Variants in CERS4 observed in about 807,000 individuals in gnomAD.
The protein encoded by CERS4 is LAG1 homolog, ceramide synthase 4.
In CERS4, 65 loss-of-function variants were observed where a neutral mutation model predicts 51.8. That is an observed-to-expected ratio of 1.26 (90% CI 1.03 to 1.54). The LOEUF is 1.54. Among genes scored for constraint, CERS4 ranks in the 40% most tolerant of loss-of-function variants. CERS4 has a pLI of 0.00. For missense variants in CERS4, 563 were observed against 500.4 expected (o/e 1.13, Z -1.19); for synonymous variants, 228 against 208.4 (o/e 1.09, Z -0.81).
intron 3 of CERS4, among the ~76,000 whole-genome samples, chr19:8,254,175 T>C (rs1302393961): frequency 6.6e-6 from 1 of 151,214 alleles, no homozygotes; most frequent in Non-Finnish European, 1.5e-5. Context: ...TACAAAAAAT[T>C]AGCCGGGCGT....
At chr19:8,213,657 A>G (rs1187677976) in intron 2 of CERS4, among the ~76,000 whole-genome samples, 1 of 151,086 alleles carries the variant, frequency 6.6e-6, no homozygotes, top group Non-Finnish European at 1.5e-5. Context: ...CAGACCCATC[A>G]TGGCTCTGAC....
chr19:8,222,729 C>T (rs1268042167), intron 2 of CERS4, among the ~76,000 whole-genome samples: 1 of 151,610 alleles, frequency 6.6e-6, no homozygotes, highest in African/African-American at 2.4e-5. Flanking sequence ...AACTCCTGAC[C>T]TCAGATGATC....
At position 8,262,076 on chromosome 19, in the gene CERS4, G is replaced by A; in HGVS notation, c.1152G>A (p.Gly384=). ...ATGGCCCTCGGAGCCGGGTGGCCGG[G>A]CGTCTGACCAACAGGCACACAACAG... ...PTDGPRSRVA[G]RLTNRHTTAT Residue 384 remains glycine, a synonymous_variant, in exon 12 of 12, where the codon GGG becomes GGA. Transcript: ENST00000251363. 16 of 1,519,660 alleles carry A rather than the reference G, an allele frequency of 1.1e-5. No individual in the cohort carries two copies. The highest frequency in any genetic ancestry group is 2.6e-5 in the South Asian group (2 of 75,976). 94.1% of individuals were successfully genotyped at this position (1,519,660 alleles called of 1,614,324 possible).
intron 2 of CERS4, chr19:8,240,585 A>AGTTGTGTGTGTGTGTGTGTGT (rs6146457): frequency 4.9e-5 from 7 of 142,186 alleles, no homozygotes; most frequent in African/African-American, 1.7e-4. Flanking sequence ...AATGTATGCA[A>AGTTGTGTGTGTGTGTGTGTGT]GTGTGTGTGT....
Position 8,261,921 on chromosome 19 carries a change from G to C in CERS4, c.1006-9G>C. The stretch of plus-strand genomic sequence containing the variant: ...TGCTCTGAGCTCCATCCCTCTCTCT[G>C]TTCCCCAGATGGAGAAGGACATTCG... On this transcript the variant is annotated splice_polypyrimidine_tract_variant and intron_variant, in intron 11 of 11. Coordinates refer to ENST00000251363, the MANE Select transcript of CERS4 (RefSeq NM_024552.3). 1.2e-6 allele frequency: 2 copies of C among 1,609,104 alleles called. No individual in the cohort carries two copies. Among genetic ancestry groups the C allele is most frequent in the East Asian group, 2.2e-5 (1 of 44,762 alleles).
At chr19:8,256,546 G>T in intron 7 of CERS4, 72 bp from the exon 8 acceptor site, 1 of 1,396,902 alleles carries the variant, frequency 7.2e-7, no homozygotes, top group South Asian at 1.3e-5. Context: ...AAACGGAGTG[G>T]GCCCGGAGCC....
At chr19:8,234,542 A>ACTTTTTTTTTTTTTTTTTTTT (rs1968152610) in intron 2 of CERS4, among the ~76,000 whole-genome samples, 1 of 54,158 alleles carries the variant, frequency 1.8e-5, no homozygotes, top group African/African-American at 7.3e-5. Flanking sequence ...CCACCATTCT[A>ACTTTTTTTTTTTTTTTTTTTT]TTTTTTTTTT....
At chr19:8,254,668 G>T (rs548953311) in intron 4 of CERS4, 52 bp downstream of exon 4, 8 of 1,493,744 alleles carry the variant, frequency 5.4e-6, no homozygotes, top group Admixed American at 1.9e-5. Context: ...GGGGTGGGGC[G>T]TGGGGATGGT....
intron 4 of CERS4, among the ~76,000 whole-genome samples, 175 bp from the exon 5 acceptor site, chr19:8,255,431 TG>T (rs2145315662): frequency 1.3e-5 from 2 of 152,282 alleles, no homozygotes; most frequent in South Asian, 4.1e-4. Context: ...AGGGCCCAAG[TG>T]TTCTGCAGGG....
intron 9 of CERS4, 36 bp from the exon 10 acceptor site, chr19:8,257,843 G>C: frequency 6.5e-7 from 1 of 1,543,226 alleles, no homozygotes; most frequent in Non-Finnish European, 9.0e-7. Context: ...CCAGGGCCCT[G>C]GTCCTGAGCC....
chr19:8,253,545 C>T (rs555834121), intron 3 of CERS4, among the ~76,000 whole-genome samples: 11 of 151,066 alleles, frequency 7.3e-5, no homozygotes, highest in African/African-American at 2.7e-4. Context: ...CTGCCAGCTC[C>T]GCCTCCTGGG....
chr19:8,247,287 C>T (rs1968829805), intron 2 of CERS4, among the ~76,000 whole-genome samples: 1 of 152,066 alleles, frequency 6.6e-6, no homozygotes, highest in African/African-American at 2.4e-5. Flanking sequence ...CTCACTGCAC[C>T]AGCCACACGG....
intron 2 of CERS4, among the ~76,000 whole-genome samples, chr19:8,214,815 G>A (rs887600938): frequency 6.6e-6 from 1 of 151,978 alleles, no homozygotes; most frequent in African/African-American, 2.4e-5. Flanking sequence ...ACACAATGGG[G>A]CTCAGCTGAA....
intron 2 of CERS4, among the ~76,000 whole-genome samples, chr19:8,235,256 C>G (rs557642405): frequency 6.6e-6 from 1 of 151,828 alleles, no homozygotes; most frequent in African/African-American, 2.4e-5. Context: ...ATCTGCCCCC[C>G]TCAGCCTCCC....
At chr19:8,236,326 T>C (rs1477091816) in intron 2 of CERS4, among the ~76,000 whole-genome samples, 1 of 152,198 alleles carries the variant, frequency 6.6e-6, no homozygotes, top group East Asian at 1.9e-4. Context: ...TATGCGTTAG[T>C]AAGGTTTTCT....
intron 2 of CERS4, among the ~76,000 whole-genome samples, chr19:8,221,435 T>C (rs774090758): frequency 1.3e-5 from 2 of 152,138 alleles, no homozygotes; most frequent in Non-Finnish European, 2.9e-5. Context: ...CCTCTGCACG[T>C]GATGCCAATG....
rs964174666 is a variant in CERS4, at chr19:8,256,243, G to A, written c.476G>A (p.Trp159Ter). 46 of 1,612,746 alleles carry A rather than the reference G, an allele frequency of 2.9e-5. No homozygotes were observed. The highest frequency in any genetic ancestry group is 3.9e-5 in the Non-Finnish European group (46 of 1,179,576). Residue 159 changes from tryptophan (W) to a stop codon, truncating the protein, a stop_gained, in exon 7 of 12, where the codon TGG (tryptophan) becomes TAG (stop). Coordinates refer to ENST00000251363, the MANE Select transcript of CERS4 (RefSeq NM_024552.3). LOFTEE classifies it high-confidence loss of function. ...ACACCCATTTCCCTGCAGGAGTCAT[G>A]GCTGTGGGCACCAGTAATGTGCTGG... The part of the protein sequence containing the change: ...GGLSVLYHES[W>*]LWAPVMCWDR...
At chr19:8,258,824 AGAGG>A (rs1322363500) in intron 10 of CERS4, among the ~76,000 whole-genome samples, 1 of 151,722 alleles carries the variant, frequency 6.6e-6, no homozygotes, top group Non-Finnish European at 1.5e-5. Context: ...CCTGGGTGAC[AGAGG>A]GAGACTTTGT....
chr19:8,251,255 T>C lies in CERS4; in HGVS notation c.173+6T>C, dbSNP rs371343887. 134 of 1,585,978 alleles carry C rather than the reference T, an allele frequency of 8.4e-5. No individual in the cohort carries two copies. Among genetic ancestry groups the C allele is most frequent in the Non-Finnish European group, 1.1e-4 (125 of 1,167,034 alleles). ...ATGCGCCTTGCCTTTGAGAGGTGAG[T>C]GTCTGCCCTGCCGCAATCCATTGCC... On this transcript the variant is annotated splice_donor_region_variant and intron_variant, in intron 3 of 11. Transcript: ENST00000251363.
Sources: gnomAD v4.1 joint callset for allele counts (sites outside exome capture counted in the v4.1 genomes callset) on GRCh38, gnomAD v4.1.1 for gene constraint, MANE v1.5 for transcripts, NCBI Gene and HGNC (gene_info 2026-07-23, HGNC 2026-07-21) for gene names.